EEIG1: variants seen among roughly 807,000 people sequenced by gnomAD.
EEIG1 encodes the protein early estrogen-induced gene 1 protein.
the EEIG1 span, among the ~76,000 whole-genome samples, chr9:127,978,552 G>A: frequency 2.1e-5 from 3 of 144,450 alleles, no homozygotes; most frequent in Non-Finnish European, 4.6e-5. Context: ...GAGAGAGGCC[G>A]GGTGCAGTGG....
At chr9:127,945,611 G>T in the EEIG1 span, 1 of 1,564,194 alleles carries the variant, frequency 6.4e-7, no homozygotes, top group Non-Finnish European at 8.7e-7. The surrounding 1 kb of genome is among the most constrained non-coding windows in gnomAD (Gnocchi z 6.5). Flanking sequence ...TCCCGAGGAA[G>T]GAGGAGGCCA....
chr9:127,946,331 C>A, the EEIG1 span, among the ~76,000 whole-genome samples: 4 of 152,232 alleles, frequency 2.6e-5, no homozygotes, highest in Non-Finnish European at 2.9e-5. Context: ...CACCCATAAG[C>A]CCAACTTCAA....
At chr9:127,953,499 G>A in the EEIG1 span, 7 of 1,369,242 alleles carry the variant, frequency 5.1e-6, no homozygotes, top group Non-Finnish European at 6.2e-6. Context: ...CAGAAAAGGG[G>A]CTGGAGGCTT....
the EEIG1 span, chr9:127,953,639 C>T: frequency 6.2e-7 from 1 of 1,613,654 alleles, no homozygotes; most frequent in Non-Finnish European, 8.5e-7. Flanking sequence ...AGCAAGTTGA[C>T]TGCAGAATCC....
chr9:127,979,952 T>G, the EEIG1 span: 8 of 1,591,088 alleles, frequency 5.0e-6, no homozygotes, highest in Non-Finnish European at 6.0e-6. Context: ...GTCTCGCTCA[T>G]CACCCCCGCT....
the EEIG1 span, chr9:127,945,285 G>A: frequency 8.7e-7 from 1 of 1,155,664 alleles, no homozygotes; most frequent in South Asian, 1.6e-5. The surrounding 1 kb of genome is among the most constrained non-coding windows in gnomAD (Gnocchi z 6.5). Flanking sequence ...TACGGTCCCT[G>A]TGTTATAGGT....
chr9:127,966,894 GC>G, the EEIG1 span, among the ~76,000 whole-genome samples: 1 of 152,158 alleles, frequency 6.6e-6, no homozygotes, highest in Admixed American at 6.5e-5. Context: ...GTACTCCCAG[GC>G]CCCCCTTCAG....
chr9:127,959,271 AC>A, the EEIG1 span, among the ~76,000 whole-genome samples: 1 of 152,268 alleles, frequency 6.6e-6, no homozygotes, highest in Non-Finnish European at 1.5e-5. Flanking sequence ...TGGTAAATGG[AC>A]AAATAAAATG....
At chr9:127,954,600 C>A in the EEIG1 span, among the ~76,000 whole-genome samples, 1 of 152,218 alleles carries the variant, frequency 6.6e-6, no homozygotes, top group Non-Finnish European at 1.5e-5. Context: ...GAAAGGTGGT[C>A]ATGCCAAACC....
the EEIG1 span, among the ~76,000 whole-genome samples, chr9:127,960,178 G>A: frequency 6.6e-6 from 1 of 152,160 alleles, no homozygotes; most frequent in Non-Finnish European, 1.5e-5. Flanking sequence ...ATCTGAGCAC[G>A]GCTTGGACTG....
the EEIG1 span, among the ~76,000 whole-genome samples, chr9:127,974,451 C>T: frequency 6.6e-6 from 1 of 152,212 alleles, no homozygotes; most frequent in African/African-American, 2.4e-5. Flanking sequence ...GGCTTCTATG[C>T]CAAAGGCTTA....
the EEIG1 span, among the ~76,000 whole-genome samples, chr9:127,977,766 T>G: frequency 6.6e-5 from 10 of 152,302 alleles, no homozygotes; most frequent in Admixed American, 1.3e-4. Flanking sequence ...CTGAATCAAC[T>G]CAGGCAAATC....
the EEIG1 span, chr9:127,948,547 T>A: frequency 5.7e-6 from 5 of 877,930 alleles, no homozygotes; most frequent in Non-Finnish European, 9.0e-6. Context: ...CCCTCCTGGC[T>A]TGGGGGCTCT....
At chr9:127,974,164 C>T in the EEIG1 span, among the ~76,000 whole-genome samples, 27 of 152,094 alleles carry the variant, frequency 1.8e-4, no homozygotes, top group Admixed American at 1.8e-3. Context: ...CCTGCCAGCC[C>T]TCTCTCCAAT....
At chr9:127,967,718 C>T in the EEIG1 span, among the ~76,000 whole-genome samples, 17 of 152,322 alleles carry the variant, frequency 1.1e-4, no homozygotes, top group Middle Eastern at 3.4e-3. Flanking sequence ...GGGCTCAAAG[C>T]CAGGCTCTGG....
the EEIG1 span, among the ~76,000 whole-genome samples, chr9:127,952,981 T>C: frequency 6.6e-6 from 1 of 152,096 alleles, no homozygotes; most frequent in Admixed American, 6.5e-5. Flanking sequence ...TCTCCCAAAG[T>C]GCCAGGATTA....
the EEIG1 span, among the ~76,000 whole-genome samples, chr9:127,967,310 A>T: frequency 6.6e-6 from 1 of 151,528 alleles, no homozygotes; most frequent in Non-Finnish European, 1.5e-5. Flanking sequence ...CGAGCCAAGC[A>T]CTCTCCCTGA....
chr9:127,947,912 A>G, the EEIG1 span, among the ~76,000 whole-genome samples: 1 of 152,152 alleles, frequency 6.6e-6, no homozygotes, highest in South Asian at 2.1e-4. Flanking sequence ...GCCAGCACGC[A>G]CAAGGTGATC....
At chr9:127,958,614 G>A in the EEIG1 span, among the ~76,000 whole-genome samples, 4 of 151,744 alleles carry the variant, frequency 2.6e-5, no homozygotes, top group African/African-American at 9.7e-5. Context: ...ACAGTGAGCT[G>A]TGATTACACC....
Sources: gnomAD v4.1 joint callset for allele counts (sites outside exome capture counted in the v4.1 genomes callset) on GRCh38, gnomAD v4.1.1 for gene constraint, Gnocchi (gnomAD v3.1) non-coding constraint, MANE v1.5 for transcripts, NCBI Gene and HGNC (gene_info 2026-07-23, HGNC 2026-07-21) for gene names.